Variants in PTPRG observed in about 807,000 individuals in gnomAD.
PTPRG encodes protein tyrosine phosphatase receptor type G.
PTPRG carries 102 observed loss-of-function variants against 165.3 expected under a neutral mutation model. The ratio of observed to expected loss-of-function variants is 0.62; its 90% CI spans 0.53 to 0.73. The LOEUF (loss-of-function observed/expected upper bound fraction) is 0.73, where lower values mean the gene tolerates loss of function less well. Among genes scored for constraint, PTPRG ranks in the 30% least tolerant of loss-of-function variants. The pLI is 0.00. For missense variants in PTPRG, 1,866 were observed against 1,861.4 expected (o/e 1.00, Z -0.05); for synonymous variants, 675 against 669.5 (o/e 1.01, Z -0.13).
chr3:61,817,332 G>A (rs1186400160), intron 2 of PTPRG, among the ~76,000 whole-genome samples: 1 of 147,770 alleles, frequency 6.8e-6, no homozygotes, highest in Non-Finnish European at 1.5e-5. Flanking sequence ...GAAAACATTG[G>A]TAGGGGGAGA....
chr3:61,564,258 C>T (rs975833170), intron 1 of PTPRG, among the ~76,000 whole-genome samples: 4 of 152,202 alleles, frequency 2.6e-5, no homozygotes, highest in African/African-American at 7.2e-5. Context: ...AGGGGTTGAG[C>T]TTTGTGAGGG....
intron 1 of PTPRG, among the ~76,000 whole-genome samples, chr3:61,565,448 TC>T (rs1239175712): frequency 6.6e-6 from 1 of 152,126 alleles, no homozygotes; most frequent in Non-Finnish European, 1.5e-5. Context: ...CATCTCTTCC[TC>T]CCCAACACCT....
At chr3:61,904,238 C>T (rs1575769439) in intron 2 of PTPRG, among the ~76,000 whole-genome samples, 2 of 152,230 alleles carry the variant, frequency 1.3e-5, no homozygotes, top group East Asian at 1.9e-4. Context: ...TGAAACTGGG[C>T]CCTGCTGTGA....
At chr3:62,069,702 A>C (rs1407984500) in intron 4 of PTPRG, among the ~76,000 whole-genome samples, 1 of 150,194 alleles carries the variant, frequency 6.7e-6, no homozygotes, top group Admixed American at 6.7e-5. Context: ...AGACACACGC[A>C]CACACACACA....
intron 4 of PTPRG, among the ~76,000 whole-genome samples, chr3:62,034,041 C>T (rs1699862252): frequency 2.0e-5 from 3 of 152,184 alleles, no homozygotes; most frequent in African/African-American, 4.8e-5. Context: ...GCTGGGATTA[C>T]AGGCATGAGC....
At chr3:62,018,421 A>G (rs1189116402) in intron 4 of PTPRG, among the ~76,000 whole-genome samples, 2 of 152,210 alleles carry the variant, frequency 1.3e-5, no homozygotes, top group Non-Finnish European at 1.5e-5. Flanking sequence ...AAAGTTTACT[A>G]GAATCCCACA....
rs1189934671 is a variant in PTPRG, at chr3:61,600,186, A to ATGTG, written c.85+37815_85+37816insGTGT. Reference sequence around the variant, plus strand: ...AAAAAAAAAAAAAATATATATATATATATATATGTGTGTGTGTGTGTGTGT... The same window carrying ATGTG: ...AAAAAAAAAAAAAATATATATATATATGTGTATATATGTGTGTGTGTGTGTGTGT... On this transcript the variant is annotated intron_variant, in intron 1 of 29. Transcript: ENST00000474889. 2.0e-4 allele frequency among the ~76,000 whole-genome samples: 23 copies of ATGTG among 116,064 alleles called. No homozygotes were observed. In the South Asian group the frequency reaches 3.7e-3, roughly 19 times the overall value. 76.1% of individuals were successfully genotyped at this position (116,064 alleles called of 152,430 possible).
intron 1 of PTPRG, among the ~76,000 whole-genome samples, chr3:61,644,852 C>G (rs1338936306): frequency 2.0e-5 from 3 of 152,182 alleles, no homozygotes. Context: ...CTATTTGGAA[C>G]AGGCAATACA....
chr3:61,966,668 G>A (rs557494350), intron 2 of PTPRG, among the ~76,000 whole-genome samples: 1 of 152,112 alleles, frequency 6.6e-6, no homozygotes, highest in East Asian at 1.9e-4. Context: ...TGATTTGCTG[G>A]GTGTTTATTA....
At chr3:61,654,561 T>G (rs902677454) in intron 1 of PTPRG, among the ~76,000 whole-genome samples, 1 of 151,962 alleles carries the variant, frequency 6.6e-6, no homozygotes. Flanking sequence ...GTTTTTTGTA[T>G]TTTTAGTAGA....
intron 5 of PTPRG, among the ~76,000 whole-genome samples, chr3:62,096,687 A>G (rs1003253941): frequency 6.6e-6 from 1 of 152,208 alleles, no homozygotes; most frequent in Non-Finnish European, 1.5e-5. Context: ...ATTTCTGCAA[A>G]CAGTCCATTG....
chr3:62,098,286 C>T (rs925756886), intron 5 of PTPRG, among the ~76,000 whole-genome samples: 1 of 151,410 alleles, frequency 6.6e-6, no homozygotes, highest in Non-Finnish European at 1.5e-5. Flanking sequence ...TGAAATCATA[C>T]AAATGAAAAA....
intron 1 of PTPRG, among the ~76,000 whole-genome samples, chr3:61,594,863 G>A (rs1401808508): frequency 6.6e-6 from 1 of 152,190 alleles, no homozygotes; most frequent in African/African-American, 2.4e-5. Context: ...TTTACAGGAA[G>A]AAACACGATG....
intron 2 of PTPRG, among the ~76,000 whole-genome samples, chr3:61,788,329 G>C (rs1331526368): frequency 6.6e-6 from 1 of 152,154 alleles, no homozygotes; most frequent in Non-Finnish European, 1.5e-5. Context: ...ATTTTATTGA[G>C]TTATCAAAAT....
intron 2 of PTPRG, among the ~76,000 whole-genome samples, chr3:61,977,302 C>T (rs1244625485): frequency 1.3e-5 from 2 of 151,902 alleles, no homozygotes; most frequent in Non-Finnish European, 2.9e-5. Context: ...GATAAAACCT[C>T]AGGGGTTTCA....
intron 2 of PTPRG, among the ~76,000 whole-genome samples, chr3:61,807,466 A>C (rs955171088): frequency 2.6e-5 from 4 of 152,138 alleles, no homozygotes; most frequent in African/African-American, 9.6e-5. Flanking sequence ...CTCCCTCTTG[A>C]TTCCTCTTTC....
intron 2 of PTPRG, among the ~76,000 whole-genome samples, chr3:61,787,945 A>T (rs1211192426): frequency 6.6e-6 from 1 of 152,092 alleles, no homozygotes; most frequent in East Asian, 1.9e-4. Flanking sequence ...TTTTTTCTTG[A>T]AGATGGCTCC....
At position 62,176,092 on chromosome 3, in the gene PTPRG, T is replaced by G. The variant is rs577971265; in HGVS notation, c.1033+7929T>G. Among the ~76,000 whole-genome samples, 5 of 152,296 alleles carry G rather than the reference T, an allele frequency of 3.3e-5. No homozygotes were observed. The East Asian group carries it at 5.8e-4, about 18-fold the overall frequency. On this transcript the variant is annotated intron_variant, in intron 8 of 29. Coordinates refer to ENST00000474889, the MANE Select transcript of PTPRG (RefSeq NM_002841.4). ...TATAAACTTATTGTTCTGGCTGTTA[T>G]GTGGCGAATGCTTGCAGAGGACTTG...
chr3:61,627,222 G>A (rs1029786221), intron 1 of PTPRG, among the ~76,000 whole-genome samples: 1 of 152,030 alleles, frequency 6.6e-6, no homozygotes, highest in Non-Finnish European at 1.5e-5. Context: ...AAAAGAGTCC[G>A]TATCTTTTAG....
Sources: gnomAD v4.1 joint callset for allele counts (sites outside exome capture counted in the v4.1 genomes callset) on GRCh38, gnomAD v4.1.1 for gene constraint, MANE v1.5 for transcripts, NCBI Gene and HGNC (gene_info 2026-07-23, HGNC 2026-07-21) for gene names.